Variants in KIAA1217 observed in about 807,000 individuals in gnomAD.
The protein encoded by KIAA1217 is KIAA1217.
Under a neutral mutation model 163.9 loss-of-function variants are expected in KIAA1217, and 88 were observed. The observed-to-expected ratio is 0.54, with a 90% CI of 0.45 to 0.64. The LOEUF (loss-of-function observed/expected upper bound fraction) is 0.64. Among genes scored for constraint, KIAA1217 ranks in the 30% least tolerant of loss-of-function variants. KIAA1217 has a pLI of 0.00. For synonymous variants in KIAA1217, 903 were observed against 923.1 expected, an observed-to-expected ratio of 0.98 and a Z score of 0.39; for missense variants, 2,372 against 2,475.0, an observed-to-expected ratio of 0.96 and a Z score of 0.88.
chr10:23,841,089 A>G lies in KIAA1217; in HGVS notation c.-321+145855A>G, dbSNP rs113013293. ...TGATATGAATATTAAATAAGCACAT[A>G]GTTGTAGAATTTTAAAGCAGTAATC... On this transcript the variant is annotated intron_variant, in intron 1 of 18. Transcript: ENST00000376462. Among the ~76,000 whole-genome samples the G allele has an allele frequency of 4.8e-3, 736 of 152,336 alleles. 10 individuals are homozygous for G. Among genetic ancestry groups the G allele is most frequent in the African/African-American group, 0.016 (664 of 41,572 alleles).
intron 10 of KIAA1217, among the ~76,000 whole-genome samples, chr10:24,519,108 CTG>C (rs1386124104): frequency 1.3e-5 from 2 of 152,230 alleles, no homozygotes; most frequent in Non-Finnish European, 2.9e-5. Context: ...GCAGACGACA[CTG>C]TGCATTCCTT....
intron 1 of KIAA1217, among the ~76,000 whole-genome samples, chr10:23,841,295 A>AT (rs1167665792): frequency 6.6e-6 from 1 of 152,188 alleles, no homozygotes; most frequent in Non-Finnish European, 1.5e-5. Flanking sequence ...AAAGAAAAAA[A>AT]CAACAACTGT....
intron 3 of KIAA1217, among the ~76,000 whole-genome samples, chr10:24,391,006 A>T (rs2130810663): frequency 6.6e-6 from 1 of 152,308 alleles, no homozygotes; most frequent in South Asian, 2.1e-4. Context: ...TATCCTTAGG[A>T]ATCTCTTGTG....
chr10:23,727,932 A>G (rs1838263767), intron 1 of KIAA1217, among the ~76,000 whole-genome samples: 1 of 152,166 alleles, frequency 6.6e-6, no homozygotes, highest in Admixed American at 6.5e-5. Flanking sequence ...TTTGCTGAGA[A>G]TGATGGTTTC....
intron 1 of KIAA1217, among the ~76,000 whole-genome samples, chr10:23,997,527 A>T (rs149955221): frequency 3.3e-5 from 5 of 152,178 alleles, no homozygotes; most frequent in African/African-American, 1.2e-4. Context: ...TTATTACAAA[A>T]ATAATTTGTG....
At chr10:24,481,550 G>A (rs751451920) in intron 6 of KIAA1217, 1 of 152,102 alleles carries the variant, frequency 6.6e-6, no homozygotes, top group Admixed American at 6.6e-5. Context: ...GTCAGGACAC[G>A]TTTTCCTTGA....
intron 1 of KIAA1217, among the ~76,000 whole-genome samples, chr10:23,798,762 C>T (rs1449663269): frequency 3.3e-5 from 5 of 152,156 alleles, no homozygotes; most frequent in Admixed American, 6.5e-5. Context: ...CAACATCTAG[C>T]AGATTCTTTG....
At chr10:23,964,769 A>G (rs1269756821) in intron 1 of KIAA1217, among the ~76,000 whole-genome samples, 1 of 151,872 alleles carries the variant, frequency 6.6e-6, no homozygotes, top group Non-Finnish European at 1.5e-5. Flanking sequence ...GTTGGCCAGG[A>G]TGGTCTTGAT....
At chr10:24,461,787 G>A (rs540691413) in intron 5 of KIAA1217, among the ~76,000 whole-genome samples, 1 of 152,230 alleles carries the variant, frequency 6.6e-6, no homozygotes, top group South Asian at 2.1e-4. Flanking sequence ...GTTATATAAT[G>A]CTCTACCTAG....
chr10:24,446,476 GA>G (rs2060943386), intron 5 of KIAA1217, among the ~76,000 whole-genome samples: 1 of 152,144 alleles, frequency 6.6e-6, no homozygotes, highest in Non-Finnish European at 1.5e-5. Flanking sequence ...ACTGAACTCA[GA>G]GCACTTTTTC....
chr10:24,110,012 C>G (rs141806821), intron 2 of KIAA1217, among the ~76,000 whole-genome samples: 3 of 152,112 alleles, frequency 2.0e-5, no homozygotes, highest in African/African-American at 7.2e-5. Flanking sequence ...ACTACAGGCA[C>G]GCCACTATGC....
intron 2 of KIAA1217, among the ~76,000 whole-genome samples, chr10:24,251,272 T>C (rs994860742): frequency 1.3e-5 from 2 of 151,766 alleles, no homozygotes; most frequent in African/African-American, 4.8e-5. Flanking sequence ...TGGTGGCACA[T>C]GCCTGTAGTT....
intron 2 of KIAA1217, among the ~76,000 whole-genome samples, chr10:24,343,582 T>C (rs543433675): frequency 6.6e-6 from 1 of 152,352 alleles, no homozygotes; most frequent in South Asian, 2.1e-4. Context: ...AATTTAAAAT[T>C]TTCATGCAAT....
chr10:23,709,263 C>G (rs1837079365), intron 1 of KIAA1217, among the ~76,000 whole-genome samples: 2 of 152,282 alleles, frequency 1.3e-5, no homozygotes, highest in South Asian at 4.1e-4. Flanking sequence ...GTGGCTCACA[C>G]TGGTAATCCC....
chr10:23,775,345 C>T (rs992103546), intron 1 of KIAA1217, among the ~76,000 whole-genome samples: 16 of 152,110 alleles, frequency 1.1e-4, no homozygotes, highest in African/African-American at 2.9e-4. Flanking sequence ...ATAGGAGGAA[C>T]GGAGATGGGC....
In KIAA1217 at chr10:24,381,583, G is replaced by A. The variant is rs529124315; in HGVS notation, c.553+516G>A. ...CCTTATGAGAATCTAACTAATGCCTGATGATCCGAGATGGAGCAGTTTCAT... is the reference window on the plus strand; with the variant it reads ...CCTTATGAGAATCTAACTAATGCCTAATGATCCGAGATGGAGCAGTTTCAT... On this transcript the variant is annotated intron_variant, in intron 3 of 20. Coordinates refer to ENST00000376454, the MANE Select transcript of KIAA1217 (RefSeq NM_019590.5). Among the ~76,000 whole-genome samples, 4 of 152,322 alleles carry A rather than the reference G, an allele frequency of 2.6e-5. No homozygotes were observed. In the South Asian group the frequency reaches 8.3e-4, roughly 32 times the overall value.
intron 2 of KIAA1217, among the ~76,000 whole-genome samples, chr10:24,378,184 C>G (rs1591443979): frequency 6.6e-6 from 1 of 152,170 alleles, no homozygotes; most frequent in East Asian, 1.9e-4. Context: ...CTAATAGATC[C>G]TCTGTCCCAG....
chr10:23,912,881 C>T (rs544485893), intron 1 of KIAA1217, among the ~76,000 whole-genome samples: 1 of 152,204 alleles, frequency 6.6e-6, no homozygotes, highest in South Asian at 2.1e-4. Context: ...AGGAGGGGAC[C>T]ACAATGCTGA....
intron 1 of KIAA1217, among the ~76,000 whole-genome samples, chr10:23,804,586 G>C (rs1239273406): frequency 1.3e-5 from 2 of 152,114 alleles, no homozygotes; most frequent in African/African-American, 2.4e-5. Flanking sequence ...TCTTGTCCTT[G>C]GTGCTTCTGC....
Sources: gnomAD v4.1 joint callset for allele counts (sites outside exome capture counted in the v4.1 genomes callset) on GRCh38, gnomAD v4.1.1 for gene constraint, MANE v1.5 for transcripts, NCBI Gene and HGNC (gene_info 2026-07-23, HGNC 2026-07-21) for gene names.